Variants in PDE1C observed in about 807,000 individuals in gnomAD.
PDE1C encodes the protein phosphodiesterase 1C.
A neutral mutation model predicts 93.1 loss-of-function variants in PDE1C; 62 were observed. That is an observed-to-expected ratio of 0.67 (90% CI 0.54 to 0.82). PDE1C has a LOEUF of 0.82. PDE1C is among the 40% of genes least tolerant of loss of function. The pLI is 0.00. For synonymous variants in PDE1C, 325 were observed against 310.1 expected (o/e 1.05, Z -0.50); for missense variants, 742 against 884.6 (o/e 0.84, Z 2.04).
intron 2 of PDE1C, among the ~76,000 whole-genome samples, chr7:31,889,134 G>A (rs1464031598): frequency 6.6e-6 from 1 of 152,144 alleles, no homozygotes; most frequent in Non-Finnish European, 1.5e-5. Flanking sequence ...AAGTCATTTG[G>A]TGGAAACCGA....
chr7:32,283,993 A>G (rs1811845347), intron 1 of PDE1C, among the ~76,000 whole-genome samples: 1 of 152,222 alleles, frequency 6.6e-6, no homozygotes, highest in African/African-American at 2.4e-5. Context: ...CAGGGCGGGA[A>G]GAAGCATCCC....
At chr7:31,652,144 T>G in the PDE1C span, 1 of 993,442 alleles carries the variant, frequency 1.0e-6, no homozygotes, top group Non-Finnish European at 1.5e-6. Context: ...CATTTCAGAA[T>G]CTAGGTTTAC....
chr7:31,637,862 G>C, the PDE1C span, among the ~76,000 whole-genome samples: 1 of 152,080 alleles, frequency 6.6e-6, no homozygotes, highest in East Asian at 1.9e-4. Flanking sequence ...GGGTTTTTAT[G>C]GTTTTAGGTC....
At chr7:32,021,087 A>G (rs1788604579) in intron 2 of PDE1C, among the ~76,000 whole-genome samples, 1 of 152,076 alleles carries the variant, frequency 6.6e-6, no homozygotes, top group Admixed American at 6.6e-5. Context: ...TTTGAGTGTG[A>G]TCCAGCCGTA....
upstream of PDE1C, among the ~76,000 whole-genome samples, chr7:32,072,070 A>G (rs1327469516): frequency 6.6e-6 from 1 of 152,256 alleles, no homozygotes; most frequent in East Asian, 1.9e-4. Flanking sequence ...TTCACTGCTC[A>G]AGTAAAGTTC....
intron 15 of PDE1C, among the ~76,000 whole-genome samples, chr7:31,813,045 T>A (rs1414629276): frequency 6.6e-6 from 1 of 152,168 alleles, no homozygotes; most frequent in Non-Finnish European, 1.5e-5. Context: ...TTAATGTAGA[T>A]AGAATCTCAA....
At position 32,339,659 on chromosome 7, in the gene PDE1C, C is replaced by A. The variant is rs565349754; in HGVS notation, c.310+88163G>T. ...TTAAAGCCATTTCAGTGGAGTGAGTCCCAGAAGCCCCATTGAAATGTCAGT... is the reference window on the plus strand; with the variant it reads ...TTAAAGCCATTTCAGTGGAGTGAGTACCAGAAGCCCCATTGAAATGTCAGT... On this transcript the variant is annotated intron_variant, in intron 1 of 1. Coordinates refer to the PDE1C transcript ENST00000672256. 1.2e-3 allele frequency among the ~76,000 whole-genome samples: 187 copies of A among 152,106 alleles called. 1 individual carries two copies. The highest frequency in any genetic ancestry group is 1.7e-3 in the Non-Finnish European group (119 of 68,012).
intron 1 of PDE1C, among the ~76,000 whole-genome samples, chr7:32,349,240 T>C (rs1019833954): frequency 3.9e-5 from 6 of 152,224 alleles, no homozygotes; most frequent in Admixed American, 6.5e-5. Flanking sequence ...TATTGAACCC[T>C]GCAGCACACC....
In PDE1C at chr7:31,839,834, C is replaced by G. The variant is rs577438219; in HGVS notation, c.981-1863G>C. Among the ~76,000 whole-genome samples the G allele has an allele frequency of 2.0e-5, 3 of 152,168 alleles. No homozygotes were observed. In the South Asian group the frequency reaches 6.2e-4, roughly 32 times the overall value. ...GGTGGATCACCTGAGGTCAGGAGTT[C>G]GAGACTAGCCTGACCAATATGGTGA... is the stretch of plus-strand genomic sequence containing the variant. On this transcript the variant is annotated intron_variant, in intron 9 of 17. Transcript: ENST00000396191.
At chr7:31,856,776 G>A (rs1794072626) in intron 7 of PDE1C, among the ~76,000 whole-genome samples, 1 of 151,184 alleles carries the variant, frequency 6.6e-6, no homozygotes, top group African/African-American at 2.4e-5. Flanking sequence ...CCGAATTCTG[G>A]CTCCCGTACT....
chr7:31,875,091 G>C (rs1402352689), intron 5 of PDE1C, among the ~76,000 whole-genome samples: 1 of 152,130 alleles, frequency 6.6e-6, no homozygotes, highest in African/African-American at 2.4e-5. Context: ...ATTAACCTAA[G>C]ACCTAAAGCT....
intron 1 of PDE1C, among the ~76,000 whole-genome samples, chr7:32,348,073 G>C (rs1008845269): frequency 6.6e-6 from 1 of 152,158 alleles, no homozygotes; most frequent in African/African-American, 2.4e-5. Flanking sequence ...GATCATGAGA[G>C]TAGACTGTAA....
At chr7:32,032,561 A>G (rs1328120290) in intron 2 of PDE1C, among the ~76,000 whole-genome samples, 1 of 152,212 alleles carries the variant, frequency 6.6e-6, no homozygotes, top group African/African-American at 2.4e-5. Context: ...TGCAAAGAGA[A>G]AAGTGACTGG....
chr7:32,323,708 G>A (rs989972346), intron 1 of PDE1C, among the ~76,000 whole-genome samples: 4 of 152,182 alleles, frequency 2.6e-5, no homozygotes, highest in Admixed American at 6.5e-5. Context: ...GTCTGGAAAG[G>A]AAACTCCTGA....
chr7:32,419,257 T>C (rs1168157490), intron 1 of PDE1C, among the ~76,000 whole-genome samples: 1 of 152,178 alleles, frequency 6.6e-6, no homozygotes, highest in Non-Finnish European at 1.5e-5. Flanking sequence ...GACTTCTACT[T>C]TAATTCATAT....
intron 2 of PDE1C, among the ~76,000 whole-genome samples, chr7:32,188,547 AT>A (rs1182211584): frequency 1.3e-5 from 2 of 152,082 alleles, no homozygotes; most frequent in Non-Finnish European, 2.9e-5. Flanking sequence ...CCTATGTCAC[AT>A]ATTTTTATTT....
intron 6 of PDE1C, 68 bp downstream of exon 6, chr7:31,873,224 C>G: frequency 2.1e-6 from 2 of 972,102 alleles, no homozygotes; most frequent in Middle Eastern, 2.2e-4. Context: ...AGTCTGAACC[C>G]AAAAGTCATA....
At chr7:32,295,663 G>C (rs1461354142) in intron 1 of PDE1C, among the ~76,000 whole-genome samples, 1 of 152,118 alleles carries the variant, frequency 6.6e-6, no homozygotes, top group East Asian at 1.9e-4. Context: ...AGACCGAGGT[G>C]GGTGGATCAT....
At chr7:32,147,984 TAAAAA>T (rs752433564) in intron 3 of PDE1C, among the ~76,000 whole-genome samples, 1,292 of 79,716 alleles carry the variant, frequency 0.016, 67 homozygotes, top group African/African-American at 0.065. Context: ...CCATTTATGC[TAAAAA>T]AAAAAAAAAA....
Sources: gnomAD v4.1 joint callset for allele counts (sites outside exome capture counted in the v4.1 genomes callset) on GRCh38, gnomAD v4.1.1 for gene constraint, MANE v1.5 for transcripts, NCBI Gene and HGNC (gene_info 2026-07-23, HGNC 2026-07-21) for gene names.